The following PSMA5 variants were observed in gnomAD, a reference collection of about 807,000 sequenced individuals.
The protein encoded by PSMA5 is proteasome subunit alpha type-5.
In PSMA5, 3 loss-of-function variants were observed where a neutral mutation model predicts 34.5. That is an observed-to-expected ratio of 0.09 (90% CI 0.04 to 0.22). PSMA5 has a LOEUF of 0.22. PSMA5 is among the 10% of genes least tolerant of loss of function. The pLI is 1.00. For synonymous variants in PSMA5, 88 were observed against 95.8 expected (o/e 0.92, Z 0.47); for missense variants, 120 against 286.1 (o/e 0.42, Z 4.19).
chr1:109,411,975 T>C (rs1654007707), intron 5 of PSMA5, 40 bp from the exon 6 acceptor site: 1 of 1,593,874 alleles, frequency 6.3e-7, no homozygotes, highest in Admixed American at 1.7e-5. Flanking sequence ...TAAATGGCTA[T>C]AAAGTAAGGA....
At chr1:109,408,695 C>CTT (rs35993517) in intron 8 of PSMA5, among the ~76,000 whole-genome samples, 3 of 145,956 alleles carry the variant, frequency 2.1e-5, no homozygotes, top group Non-Finnish European at 3.0e-5. Context: ...TTTCTTTCAG[C>CTT]TTTTTTTTTT....
chr1:109,420,558 A>G (rs1217911986), intron 2 of PSMA5, among the ~76,000 whole-genome samples: 1 of 152,256 alleles, frequency 6.6e-6, no homozygotes, highest in Non-Finnish European at 1.5e-5. Flanking sequence ...AACTACATGC[A>G]TGTATACCTT....
At chr1:109,402,179 C>T in intron 8 of PSMA5, 89 bp from the exon 9 acceptor site, 8 of 926,800 alleles carry the variant, frequency 8.6e-6, no homozygotes, top group Non-Finnish European at 1.2e-5. Flanking sequence ...GTTGGTGATG[C>T]AGCTATTCAT....
chr1:109,415,299 A>G lies in PSMA5; in HGVS notation c.161T>C (p.Ile54Thr). The change falls in exon 3 of 9, where the codon ATT becomes ACT. Residue 54 changes from isoleucine (I) to threonine (T), a missense_variant. Ile to Thr is a moderately conservative substitution (Grantham distance 89). Transcript: ENST00000271308. ...EGVCLAVEKR[I>T]TSPLMEPSSI... Reference sequence around the variant, plus strand: ...GCTGGGCTCCATCAGTGGGGAAGTAATTCTCTTCTCCACAGCTAGGCACAC... The same window carrying G: ...GCTGGGCTCCATCAGTGGGGAAGTAGTTCTCTTCTCCACAGCTAGGCACAC... The G allele has an allele frequency of 6.2e-7, 1 of 1,614,030 alleles. No individual in the cohort carries two copies. Among genetic ancestry groups the G allele is most frequent in the Non-Finnish European group, 8.5e-7 (1 of 1,179,934 alleles).
At chr1:109,423,165 G>A (rs151206878) in intron 1 of PSMA5, among the ~76,000 whole-genome samples, 40 of 152,322 alleles carry the variant, frequency 2.6e-4, no homozygotes, top group African/African-American at 4.8e-4. Flanking sequence ...TTGGCCTGGC[G>A]TGGTGGCTCA....
intron 3 of PSMA5, among the ~76,000 whole-genome samples, chr1:109,414,104 G>A (rs1654106001): frequency 6.6e-6 from 1 of 152,202 alleles, no homozygotes; most frequent in Non-Finnish European, 1.5e-5. Flanking sequence ...GACCGACTCT[G>A]CTGCTGCAGT....
intron 8 of PSMA5, among the ~76,000 whole-genome samples, chr1:109,403,567 C>G (rs1281915762): frequency 6.6e-6 from 1 of 152,020 alleles, no homozygotes; most frequent in Admixed American, 6.6e-5. Flanking sequence ...GAGGTTGTGG[C>G]TGCAGTGAGT....
At chr1:109,412,755 T>C (rs1654046148) in intron 4 of PSMA5, 1 of 238,276 alleles carries the variant, frequency 4.2e-6, no homozygotes, top group Non-Finnish European at 8.1e-6. Flanking sequence ...ATCCTTTAAC[T>C]ACGTCCACCT....
At chr1:109,418,469 C>G (rs1225539641) in intron 2 of PSMA5, among the ~76,000 whole-genome samples, 1 of 152,142 alleles carries the variant, frequency 6.6e-6, no homozygotes, top group East Asian at 1.9e-4. Context: ...GTGTACACTA[C>G]TACACTCAAC....
rs987161339 is a variant in PSMA5, at chr1:109,412,107, A to G, written c.369T>C (p.Phe123=). The G allele has an allele frequency of 2.5e-6, 4 of 1,614,122 alleles. No homozygotes were observed. The highest frequency in any genetic ancestry group is 1.7e-5 in the Admixed American group (1 of 60,024). The stretch of plus-strand genomic sequence containing the variant: ...CACCTGGATCTGCATCTTCTTCTCC[A>G]AACTGCAAAGCCAGATTGGACACAG... ...TQAVSNLALQ[F]GEEDADPGAM... Residue 123 remains phenylalanine (F), a synonymous_variant, in exon 5 of 9, where the codon TTT becomes TTC. Transcript: ENST00000271308.
intron 2 of PSMA5, 104 bp from the exon 3 acceptor site, chr1:109,415,467 G>T: frequency 1.6e-6 from 2 of 1,254,596 alleles, no homozygotes; most frequent in Non-Finnish European, 2.1e-6. Flanking sequence ...AACTTCAACT[G>T]GCCACATCTT....
chr1:109,404,071 T>C (rs1170279127), intron 8 of PSMA5, among the ~76,000 whole-genome samples: 3 of 152,082 alleles, frequency 2.0e-5, no homozygotes, highest in African/African-American at 7.3e-5. Flanking sequence ...TTCCTTCAAT[T>C]ATGGCACTTT....
intron 2 of PSMA5, among the ~76,000 whole-genome samples, chr1:109,416,661 C>A (rs139732720): frequency 6.6e-6 from 1 of 152,134 alleles, no homozygotes; most frequent in African/African-American, 2.4e-5. Flanking sequence ...TCATTTCACA[C>A]GCATATATAT....
chr1:109,412,021 A>G, intron 5 of PSMA5, 56 bp downstream of exon 5: 1 of 1,581,434 alleles, frequency 6.3e-7, no homozygotes, highest in South Asian at 1.1e-5. Context: ...TTCACAGGAC[A>G]AATGTCCTAA....
intron 3 of PSMA5, chr1:109,414,953 A>G (rs761329927): frequency 6.6e-6 from 2 of 301,134 alleles, no homozygotes; most frequent in African/African-American, 2.1e-5. Flanking sequence ...TATTATTCTT[A>G]TAACTTGTAG....
At chr1:109,405,236 C>A (rs936636390) in intron 8 of PSMA5, among the ~76,000 whole-genome samples, 1 of 152,096 alleles carries the variant, frequency 6.6e-6, no homozygotes, top group African/African-American at 2.4e-5. Context: ...TTGGCCCTAC[C>A]GTCTCAAAGC....
At chr1:109,413,518 T>C (rs1456733784) in intron 3 of PSMA5, among the ~76,000 whole-genome samples, 1 of 152,202 alleles carries the variant, frequency 6.6e-6, no homozygotes, top group Non-Finnish European at 1.5e-5. Flanking sequence ...ATCACCTCAC[T>C]ATGGACTACA....
rs1318693893 is a variant in PSMA5, at chr1:109,413,050, A to T, written c.291+18T>A. On this transcript the variant is annotated intron_variant, in intron 4 of 8. Coordinates refer to ENST00000271308, the MANE Select transcript of PSMA5 (RefSeq NM_002790.4). ...GAACTCAAGCATCCTGGTAAAAAGGAGATAATGCCAATTTTACCTGTGTCT... is the reference window on the plus strand; with the variant it reads ...GAACTCAAGCATCCTGGTAAAAAGGTGATAATGCCAATTTTACCTGTGTCT... 6.2e-7 allele frequency: 1 copy of T among 1,606,988 alleles called. No homozygotes were observed. The highest frequency in any genetic ancestry group is 1.3e-5 in the African/African-American group (1 of 74,746).
rs1407447646 is a variant in PSMA5 at position 109,400,608 on chromosome 1, C to A, written c.*1405G>T. 6.6e-6 allele frequency: 1 copy of A among 152,210 alleles called. No homozygotes were observed. The highest frequency in any genetic ancestry group is 1.5e-5 in the Non-Finnish European group (1 of 68,042). The allele number at this position is 152,210 out of a possible 1,614,324, so 9.4% of individuals were successfully genotyped here. ...CTCTGGAACATTCAGTAACAATATA[C>A]TCTAATTCTCTGCTTTCCTTATGTG... On this transcript the variant is annotated 3_prime_UTR_variant, in exon 9 of 9. Coordinates refer to ENST00000271308, the MANE Select transcript of PSMA5 (RefSeq NM_002790.4).
Sources: gnomAD v4.1 joint callset for allele counts (sites outside exome capture counted in the v4.1 genomes callset) on GRCh38, gnomAD v4.1.1 for gene constraint, MANE v1.5 for transcripts, NCBI Gene and HGNC (gene_info 2026-07-23, HGNC 2026-07-21) for gene names.